RNF125: variants seen among roughly 807,000 people sequenced by gnomAD.
RNF125 encodes E3 ubiquitin-protein ligase RNF125.
A neutral mutation model predicts 26.0 loss-of-function variants in RNF125; 21 were observed. The observed-to-expected ratio is 0.81, with a 90% CI of 0.57 to 1.16. The LOEUF (loss-of-function observed/expected upper bound fraction) is 1.16. RNF125 is among the 50% of genes most tolerant of loss of function. The pLI is 0.00. For synonymous variants in RNF125, 95 were observed against 109.2 expected (o/e 0.87, Z 0.81); for missense variants, 270 against 299.4 (o/e 0.90, Z 0.72).
intron 4 of RNF125, among the ~76,000 whole-genome samples, chr18:32,048,443 AACC>A (rs1227436283): frequency 5.2e-5 from 7 of 133,876 alleles, no homozygotes. Context: ...CAAACAAAAA[AACC>A]CAAAAAAACC....
At chr18:32,041,224 C>T (rs1255456505) in intron 2 of RNF125, among the ~76,000 whole-genome samples, 1 of 152,184 alleles carries the variant, frequency 6.6e-6, no homozygotes, top group Non-Finnish European at 1.5e-5. Context: ...TGTGAAAGAA[C>T]AAGGGCTCTT....
At chr18:32,040,248 C>T (rs28578032) in intron 2 of RNF125, among the ~76,000 whole-genome samples, 2,527 of 150,826 alleles carry the variant, frequency 0.017, 66 homozygotes, top group African/African-American at 0.058. Context: ...TTTCCAGTTC[C>T]CTATATCAAA....
In RNF125 at chr18:32,065,963, T is replaced by G. The variant is rs2039481514; in HGVS notation, c.566T>G (p.Ile189Arg). The change falls in exon 5 of 6, where the codon ATA becomes AGA. Residue 189 changes from isoleucine to arginine, a missense_variant. Ile to Arg is a moderately conservative substitution (Grantham distance 97). Transcript: ENST00000217740. Reference sequence around the variant, plus strand: ...CCAAGCAGCTTCAGTGGCAGTTTAATAAGACATCTGCAAGTTAGTCACACT... The same window carrying G: ...CCAAGCAGCTTCAGTGGCAGTTTAAGAAGACATCTGCAAGTTAGTCACACT... Reference protein sequence around the residue: ...ENPSSFSGSLIRHLQVSHTLF... With the variant: ...ENPSSFSGSLRRHLQVSHTLF... The G allele has an allele frequency of 6.2e-7, 1 of 1,613,474 alleles. No homozygotes were observed. The highest frequency in any genetic ancestry group is 1.3e-5 in the African/African-American group (1 of 74,938).
rs140862584 is a variant in RNF125, at chr18:32,025,058, G to A, written c.164+6031G>A. ...CAGCCTGGGTGACAGATTGAGAGTC[G>A]TTCTCAAAAAAACAAAAACAAACAA... On this transcript the variant is annotated intron_variant, in intron 1 of 5. Transcript: ENST00000217740. Among the ~76,000 whole-genome samples, 309 of 151,846 alleles carry A rather than the reference G, an allele frequency of 2.0e-3. 1 individual carries two copies. The highest frequency in any genetic ancestry group is 3.1e-3 in the Non-Finnish European group (210 of 67,934).
Position 32,070,725 on chromosome 18 carries a change from G to A in RNF125, c.*2341G>A, listed in dbSNP as rs1385289457. On this transcript the variant is annotated 3_prime_UTR_variant, in exon 6 of 6. Transcript: ENST00000217740. ...CCCAATTTTTTTTTTTTTTTGAGAT[G>A]GAGTCTCGCGCTCTTGTTGCCCAGG... is the stretch of plus-strand genomic sequence containing the variant. 2 of 141,098 alleles carry A rather than the reference G, an allele frequency of 1.4e-5. No individual in the cohort carries two copies. Among genetic ancestry groups the A allele is most frequent in the Admixed American group, 7.2e-5 (1 of 13,812 alleles). 8.7% of individuals were successfully genotyped at this position (141,098 alleles called of 1,614,324 possible). A position where few individuals can be genotyped will look rare whatever the true frequency, so the allele number is the denominator to read the frequency against.
intron 1 of RNF125, among the ~76,000 whole-genome samples, chr18:32,030,301 CCAAAGTG>C (rs1239182594): frequency 6.6e-6 from 1 of 152,228 alleles, no homozygotes; most frequent in Non-Finnish European, 1.5e-5. Context: ...CCTCTCCCTC[CCAAAGTG>C]CTGGGATTAC....
At chr18:32,031,171 A>G (rs2039089872) in intron 1 of RNF125, 3 of 151,828 alleles carry the variant, frequency 2.0e-5, no homozygotes, top group Non-Finnish European at 4.4e-5. Flanking sequence ...AGGCACATTC[A>G]TGGTCTTATA....
intron 1 of RNF125, among the ~76,000 whole-genome samples, chr18:32,019,551 C>T (rs2038965369): frequency 6.6e-6 from 1 of 152,226 alleles, no homozygotes. Context: ...AGAGGCTCGT[C>T]TTAAGCAAAC....
the RNF125 span, among the ~76,000 whole-genome samples, chr18:32,078,459 A>G: frequency 6.6e-6 from 1 of 152,126 alleles, no homozygotes; most frequent in Non-Finnish European, 1.5e-5. Context: ...TAAAAATAAT[A>G]ATAATAAAGA....
At chr18:32,081,730 T>G in the RNF125 span, among the ~76,000 whole-genome samples, 7 of 152,324 alleles carry the variant, frequency 4.6e-5, no homozygotes, top group Admixed American at 1.3e-4. Flanking sequence ...AATTTAAAAT[T>G]TTTAATATTA....
intron 1 of RNF125, among the ~76,000 whole-genome samples, chr18:32,026,022 A>G (rs2039031033): frequency 6.6e-6 from 1 of 151,808 alleles, no homozygotes; most frequent in Admixed American, 6.6e-5. Flanking sequence ...TCAGCTATTA[A>G]TTAAGCTGGC....
intron 4 of RNF125, among the ~76,000 whole-genome samples, chr18:32,060,365 G>A (rs930486420): frequency 3.3e-5 from 5 of 152,186 alleles, no homozygotes; most frequent in African/African-American, 1.2e-4. Flanking sequence ...GGAGCATAAG[G>A]ACATGATAAT....
At chr18:32,053,252 C>T (rs2039345983) in intron 4 of RNF125, among the ~76,000 whole-genome samples, 1 of 152,016 alleles carries the variant, frequency 6.6e-6, no homozygotes, top group Non-Finnish European at 1.5e-5. Flanking sequence ...ATCCCAGCTA[C>T]TCGGGAGACT....
chr18:32,080,445 A>G, the RNF125 span, among the ~76,000 whole-genome samples: 1 of 152,272 alleles, frequency 6.6e-6, no homozygotes, highest in South Asian at 2.1e-4. Flanking sequence ...GTCCTTTGAC[A>G]GTATTTCAAG....
Position 32,034,444 on chromosome 18 carries a change from TC to T in RNF125, c.165-2670del, listed in dbSNP as rs1205941165. Among the ~76,000 whole-genome samples the T allele has an allele frequency of 3.3e-5, 5 of 152,328 alleles. No homozygotes were observed. The East Asian group carries it at 9.6e-4, about 29-fold the overall frequency. ...TGTTCTTGCTGCTTCTTCACACTGT[TC>T]CTTTACGTGATCTTGCAGAAGCAAC... On this transcript the variant is annotated intron_variant, in intron 1 of 5. Coordinates refer to ENST00000217740, the MANE Select transcript of RNF125 (RefSeq NM_017831.4).
intron 4 of RNF125, among the ~76,000 whole-genome samples, chr18:32,057,036 G>T (rs2039392475): frequency 6.6e-6 from 1 of 152,060 alleles, no homozygotes; most frequent in Non-Finnish European, 1.5e-5. Flanking sequence ...GTAACTTACT[G>T]TGTGAGTGCT....
intron 5 of RNF125, among the ~76,000 whole-genome samples, chr18:32,068,038 T>C (rs936573853): frequency 6.6e-6 from 1 of 152,216 alleles, no homozygotes; most frequent in Non-Finnish European, 1.5e-5. Flanking sequence ...CTTCTCATTA[T>C]ATCAGATAAA....
At chr18:32,022,458 G>T (rs1390407503) in intron 1 of RNF125, among the ~76,000 whole-genome samples, 3 of 152,128 alleles carry the variant, frequency 2.0e-5, no homozygotes, top group Admixed American at 2.0e-4. Flanking sequence ...AGATTAACAA[G>T]GGGGGAAAAG....
intron 1 of RNF125, among the ~76,000 whole-genome samples, chr18:32,022,660 T>C (rs1456198160): frequency 6.6e-6 from 1 of 152,200 alleles, no homozygotes; most frequent in Admixed American, 6.5e-5. Context: ...CAGATGAAAC[T>C]TCATAGATAG....
Sources: gnomAD v4.1 joint callset for allele counts (sites outside exome capture counted in the v4.1 genomes callset) on GRCh38, gnomAD v4.1.1 for gene constraint, MANE v1.5 for transcripts, NCBI Gene and HGNC (gene_info 2026-07-23, HGNC 2026-07-21) for gene names.